The following ATXN2 variants were observed in gnomAD, a reference collection of about 807,000 sequenced individuals.
The protein encoded by ATXN2 is ataxin-2.
Under a neutral mutation model 138.6 loss-of-function variants are expected in ATXN2, and 37 were observed. The observed-to-expected ratio is 0.27, with a 90% CI of 0.21 to 0.35. The LOEUF is 0.35. Among genes scored for constraint, ATXN2 ranks in the 10% least tolerant of loss-of-function variants. ATXN2 has a pLI of 1.00. For missense variants in ATXN2, 1,216 were observed against 1,480.3 expected (o/e 0.82, Z 2.93); for synonymous variants, 549 against 543.7 (o/e 1.01, Z -0.13).
At position 111,469,976 on chromosome 12, in the gene ATXN2, T is replaced by A. The variant is rs554232846; in HGVS notation, c.2842+132A>T. On this transcript the variant is annotated intron_variant, in intron 20 of 24. Coordinates refer to ENST00000673436, the MANE Select transcript of ATXN2 (RefSeq NM_001372574.1). Reference sequence around the variant, plus strand: ...AAGCAAGTCAGGCAAAGAAATGGGTTCATCTTTTCCTTCAGATTCTTGACC... The same window carrying A: ...AAGCAAGTCAGGCAAAGAAATGGGTACATCTTTTCCTTCAGATTCTTGACC... The A allele has an allele frequency of 4.6e-6, 5 of 1,095,564 alleles. No individual in the cohort carries two copies. The East Asian group carries it at 7.5e-5, about 17-fold the overall frequency. 67.9% of individuals were successfully genotyped at this position (1,095,564 alleles called of 1,614,324 possible).
chr12:111,527,174 C>T lies in ATXN2; in HGVS notation c.572-1858G>A, dbSNP rs143595332. 4.1e-4 allele frequency among the ~76,000 whole-genome samples: 63 copies of T among 152,270 alleles called. No homozygotes were observed. In the East Asian group the frequency reaches 8.3e-3, roughly 20 times the overall value. On this transcript the variant is annotated intron_variant, in intron 5 of 24. Coordinates refer to ENST00000673436, the MANE Select transcript of ATXN2 (RefSeq NM_001372574.1). Reference sequence around the variant, plus strand: ...ACTGGGCAATGATGGCACTAGGAAACGCTCTGTAGATACAGGCTTGCATTT... The same window carrying T: ...ACTGGGCAATGATGGCACTAGGAAATGCTCTGTAGATACAGGCTTGCATTT...
intron 1 of ATXN2, among the ~76,000 whole-genome samples, chr12:111,561,553 G>A (rs1360649303): frequency 1.3e-5 from 2 of 151,916 alleles, no homozygotes; most frequent in African/African-American, 4.8e-5. Context: ...TACTCACTTG[G>A]CTGGGCACAG....
rs2135861004 is a variant in ATXN2, at chr12:111,598,092, G to A, written c.251+692C>T. ...GTGGAACGCTGCCGGAGGCCACATG[G>A]AGCCCCACGATTTCAGGGGAGTTCG... On this transcript the variant is annotated intron_variant, in intron 1 of 24. Transcript: ENST00000673436. The surrounding 1 kb of genome is among the most constrained non-coding windows in gnomAD (Gnocchi z 4.5). The A allele has an allele frequency of 8.8e-7, 1 of 1,133,934 alleles. No homozygotes were observed. Among genetic ancestry groups the A allele is most frequent in the African/African-American group, 1.6e-5 (1 of 61,652 alleles). The allele number at this position is 1,133,934 out of a possible 1,614,324, so 70.2% of individuals were successfully genotyped here.
At position 111,509,986 on chromosome 12, in the gene ATXN2, C is replaced by T. The variant is rs1288284323; in HGVS notation, c.1769G>A (p.Arg590Lys). The change falls in exon 13 of 25, where the codon AGG (arginine) becomes AAG (lysine). Residue 590 changes from arginine (R) to lysine (K), a missense_variant. Arg to Lys is a conservative substitution (Grantham distance 26, BLOSUM62 2). Transcript: ENST00000673436. The part of the protein sequence containing the change: ...VTPSSEAKDS[R>K]LQDQRQNSPA... ...AGAGTTCTGCCTCTGATCTTGAAGCCTGGAATCTTTAGCTAGAAAACAATT... is the reference window on the plus strand; with the variant it reads ...AGAGTTCTGCCTCTGATCTTGAAGCTTGGAATCTTTAGCTAGAAAACAATT... 1.2e-6 allele frequency: 2 copies of T among 1,602,920 alleles called. No individual in the cohort carries two copies.
intron 1 of ATXN2, chr12:111,581,680 T>G (rs1361818374): frequency 2.3e-5 from 16 of 694,408 alleles, no homozygotes; most frequent in Non-Finnish European, 3.8e-5. Context: ...CCTATGCCTT[T>G]ACCGCCAAGT....
Position 111,518,331 on chromosome 12 carries a change from C to T in ATXN2, c.1083G>A (p.Ser361=), listed in dbSNP as rs751902364. 21 of 1,613,020 alleles carry T rather than the reference C, an allele frequency of 1.3e-5. No homozygotes were observed. In the South Asian group the frequency reaches 1.6e-4, roughly 13 times the overall value. Residue 361 remains serine (S), a synonymous_variant, in exon 9 of 25, where the codon TCG becomes TCA. Coordinates refer to ENST00000673436, the MANE Select transcript of ATXN2 (RefSeq NM_001372574.1). ...QNSPRMGQPG[S]GSMPSRSTSH... is the part of the protein sequence containing the mutation. ...AAGTGGATCTTGATGGCATGGAGCC[C>T]GATCCAGGCTGGCCCATACGCGGTG...
At chr12:111,495,755 C>T (rs1266029294) in intron 14 of ATXN2, among the ~76,000 whole-genome samples, 1 of 152,158 alleles carries the variant, frequency 6.6e-6, no homozygotes, top group African/African-American at 2.4e-5. Context: ...TACATATTTA[C>T]AGAACATTGT....
chr12:111,558,804 A>G (rs1316271885), intron 1 of ATXN2, among the ~76,000 whole-genome samples: 1 of 152,148 alleles, frequency 6.6e-6, no homozygotes, highest in Non-Finnish European at 1.5e-5. Context: ...CTCAAAAAAT[A>G]ATTAACTAAA....
chr12:111,568,176 G>T (rs780954310), intron 1 of ATXN2, among the ~76,000 whole-genome samples: 10 of 151,866 alleles, frequency 6.6e-5, no homozygotes, highest in Non-Finnish European at 1.5e-4. Context: ...CAGGAGAATC[G>T]CTTGAACCCA....
Position 111,545,425 on chromosome 12 carries a change from A to T in ATXN2, c.571+6855T>A, listed in dbSNP as rs1311317971. Among the ~76,000 whole-genome samples the T allele has an allele frequency of 2.6e-5, 4 of 151,460 alleles. No homozygotes were observed. In the East Asian group the frequency reaches 7.9e-4, roughly 30 times the overall value. On this transcript the variant is annotated intron_variant, in intron 5 of 24. Coordinates refer to ENST00000673436, the MANE Select transcript of ATXN2 (RefSeq NM_001372574.1). ...AGCCTGGCCAACATGGTGAAACCCCATCTCTACTAAAAATACAAAAATTAG... is the reference window on the plus strand; with the variant it reads ...AGCCTGGCCAACATGGTGAAACCCCTTCTCTACTAAAAATACAAAAATTAG...
rs529378311 is a variant in ATXN2 at position 111,593,779 on chromosome 12, A to G, written c.251+5005T>C. ...CTTTGGTTAGTAATAGCCATCTACA[A>G]TTTACCTCTAATGACCCTCAATGTC... On this transcript the variant is annotated intron_variant, in intron 1 of 24. Transcript: ENST00000673436. Among the ~76,000 whole-genome samples, 40 of 152,330 alleles carry G rather than the reference A, an allele frequency of 2.6e-4. 1 individual carries two copies. In the South Asian group the frequency reaches 3.1e-3, roughly 12 times the overall value.
At chr12:111,579,001 G>A (rs1256512277) in intron 1 of ATXN2, among the ~76,000 whole-genome samples, 9 of 152,072 alleles carry the variant, frequency 5.9e-5, no homozygotes, top group African/African-American at 2.2e-4. Context: ...TCGCACCACT[G>A]CACTCCACCC....
intron 18 of ATXN2, among the ~76,000 whole-genome samples, chr12:111,472,296 G>C (rs1041072554): frequency 2.0e-5 from 3 of 152,064 alleles, no homozygotes; most frequent in Non-Finnish European, 2.9e-5. Context: ...GACAGGAGGG[G>C]AAGAAAAGAA....
intron 6 of ATXN2, among the ~76,000 whole-genome samples, chr12:111,523,331 T>C (rs531856407): frequency 2.0e-5 from 3 of 152,326 alleles, no homozygotes; most frequent in East Asian, 1.9e-4. Context: ...ACCATTCTTT[T>C]TGGGAGATAT....
chr12:111,523,759 T>C (rs1880322430), intron 6 of ATXN2, among the ~76,000 whole-genome samples: 1 of 143,348 alleles, frequency 7.0e-6, no homozygotes, highest in Non-Finnish European at 1.5e-5. Context: ...AAAGAAATAA[T>C]GCTGAAAAAA....
At chr12:111,593,758 G>A (rs147817635) in intron 1 of ATXN2, among the ~76,000 whole-genome samples, 171 of 152,262 alleles carry the variant, frequency 1.1e-3, no homozygotes, top group Middle Eastern at 3.4e-3. Flanking sequence ...ATGTCTCTTT[G>A]GTTAGTAATA....
intron 18 of ATXN2, among the ~76,000 whole-genome samples, chr12:111,477,140 C>T (rs1175504389): frequency 4.1e-5 from 6 of 145,852 alleles, no homozygotes; most frequent in Admixed American, 2.8e-4. Context: ...GTCAGGAGTT[C>T]GAGACTAGCC....
intron 5 of ATXN2, among the ~76,000 whole-genome samples, chr12:111,548,813 G>A (rs188389478): frequency 1.3e-5 from 2 of 152,128 alleles, no homozygotes; most frequent in Non-Finnish European, 2.9e-5. Context: ...CTGCCTCCCG[G>A]GTTCAAGCGA....
chr12:111,464,653 C>A lies in ATXN2; in HGVS notation c.2896+9G>T, dbSNP rs146675377. ...ACAATTAAAAATTAGTATAAAAAAC[C>A]CAACTCACTGGCAAAGTAGAAAGAA... On this transcript the variant is annotated intron_variant, in intron 21 of 24. Transcript: ENST00000673436. The A allele has an allele frequency of 1.8e-4, 296 of 1,602,828 alleles. No homozygotes were observed. In the Admixed American group the frequency reaches 3.3e-3, roughly 18 times the overall value.
Sources: allele counts gnomAD v4.1 joint callset (sites outside exome capture counted in the v4.1 genomes callset), GRCh38; gene constraint gnomAD v4.1.1; non-coding constraint Gnocchi (gnomAD v3.1); transcripts MANE v1.5; gene names NCBI Gene and HGNC (gene_info 2026-07-23, HGNC 2026-07-21).